The following C4orf17 variants were observed in gnomAD, a reference collection of about 807,000 sequenced individuals.
C4orf17 encodes chromosome 4 open reading frame 17, also known as uncharacterized protein C4orf17.
C4orf17 carries 25 observed loss-of-function variants against 32.0 expected under a neutral mutation model. The observed-to-expected ratio is 0.78, with a 90% CI of 0.57 to 1.09. C4orf17 has a LOEUF of 1.09. Among genes scored for constraint, C4orf17 ranks in the 50% least tolerant of loss-of-function variants. C4orf17 has a pLI of 0.00. For missense variants in C4orf17, 420 were observed against 420.0 expected, an observed-to-expected ratio of 1.00 and a Z score of 0.00; for synonymous variants, 149 against 145.8, an observed-to-expected ratio of 1.02 and a Z score of -0.16.
At chr4:99,535,490 C>T (rs1723546754) in intron 5 of C4orf17, among the ~76,000 whole-genome samples, 1 of 152,036 alleles carries the variant, frequency 6.6e-6, no homozygotes, top group African/African-American at 2.4e-5. Flanking sequence ...GAAAGATATG[C>T]TTCAAGCTCT....
chr4:99,523,540 G>T (rs951705013), intron 3 of C4orf17, among the ~76,000 whole-genome samples: 1 of 152,124 alleles, frequency 6.6e-6, no homozygotes, highest in African/African-American at 2.4e-5. Context: ...TAGCAATGAA[G>T]AGTCAAAGCC....
rs1723448432 is a variant in C4orf17, at chr4:99,529,817, A to T, written c.405A>T (p.Glu135Asp). 1 of 1,603,510 alleles carries T rather than the reference A, an allele frequency of 6.2e-7. No homozygotes were observed. The highest frequency in any genetic ancestry group is 8.5e-7 in the Non-Finnish European group (1 of 1,176,358). ...GTTATATTATACTTTTGATTTAGGAAGAAATTAAGGCCAAAAGACCACCAT... is the reference window on the plus strand; with the variant it reads ...GTTATATTATACTTTTGATTTAGGATGAAATTAAGGCCAAAAGACCACCAT... ...SSENPLVIKK[E>D]EIKAKRPPSP... The change falls in exon 5 of 9, where the codon GAA (glutamate) becomes GAT (aspartate). Residue 135 changes from glutamate to aspartate, a missense_variant and splice_region_variant. Glu to Asp is a conservative substitution (Grantham distance 45). Transcript: ENST00000326581.
intron 4 of C4orf17, among the ~76,000 whole-genome samples, chr4:99,529,271 A>T (rs1357136017): frequency 2.6e-5 from 4 of 152,202 alleles, no homozygotes; most frequent in Non-Finnish European, 2.9e-5. Context: ...TTTAATTTTT[A>T]AAAATTGCAA....
At chr4:99,521,639 G>A (rs1461762793) in intron 2 of C4orf17, among the ~76,000 whole-genome samples, 1 of 152,142 alleles carries the variant, frequency 6.6e-6, no homozygotes, top group African/African-American at 2.4e-5. Context: ...GTGAACCAGT[G>A]GTACTGGAGA....
chr4:99,535,845 T>G (rs111307169), intron 5 of C4orf17: 37 of 399,638 alleles, frequency 9.3e-5, no homozygotes, highest in Non-Finnish European at 1.5e-4. Context: ...CATTTTTGCA[T>G]TGATTCTTTT....
At chr4:99,529,575 T>C (rs957285273) in intron 4 of C4orf17, among the ~76,000 whole-genome samples, 7 of 152,210 alleles carry the variant, frequency 4.6e-5, no homozygotes, top group Non-Finnish European at 8.8e-5. Flanking sequence ...ATATTACAAA[T>C]TTGTTATCTT....
At chr4:99,517,391 G>A (rs1049447645) in intron 2 of C4orf17, among the ~76,000 whole-genome samples, 1 of 152,050 alleles carries the variant, frequency 6.6e-6, no homozygotes, top group African/African-American at 2.4e-5. Flanking sequence ...GGTAGATAAG[G>A]GGAGGATAAT....
In C4orf17 at chr4:99,511,215, G is replaced by A. The variant is rs1723088458; in HGVS notation, c.-151G>A. ...CTAGACATATTATGAGGCTGGGAGG[G>A]TATCAACAGACTTGAGTTCTTGTCA... On this transcript the variant is annotated 5_prime_UTR_variant, in exon 1 of 9. Transcript: ENST00000326581. 6.6e-6 allele frequency: 1 copy of A among 152,090 alleles called. No homozygotes were observed. Among genetic ancestry groups the A allele is most frequent in the East Asian group, 1.9e-4 (1 of 5,198 alleles). The allele number at this position is 152,090 out of a possible 1,614,324, so 9.4% of individuals were successfully genotyped here.
At chr4:99,536,143 T>C in intron 5 of C4orf17, 1 of 330,088 alleles carries the variant, frequency 3.0e-6, no homozygotes, top group Non-Finnish European at 5.9e-6. Flanking sequence ...CTGGCTCGAA[T>C]GCTCCTATAG....
At chr4:99,524,495 T>C (rs1723353538) in intron 3 of C4orf17, 26 bp from the exon 4 acceptor site, 1 of 1,419,248 alleles carries the variant, frequency 7.0e-7, no homozygotes, top group Non-Finnish European at 9.9e-7. Context: ...TTAATCTAAA[T>C]ACATTTTTCC....
chr4:99,523,120 G>GT (rs1723325942), intron 3 of C4orf17, among the ~76,000 whole-genome samples: 1 of 152,088 alleles, frequency 6.6e-6, no homozygotes, highest in African/African-American at 2.4e-5. Flanking sequence ...GTCAGGCCCT[G>GT]TGTTACTGCT....
At chr4:99,536,633 G>A (rs762883712) in intron 5 of C4orf17, among the ~76,000 whole-genome samples, 6 of 152,160 alleles carry the variant, frequency 3.9e-5, no homozygotes, top group Non-Finnish European at 8.8e-5. Flanking sequence ...CCTTCCCCTG[G>A]GAACTTGGTC....
At chr4:99,536,557 C>T (rs1723565846) in intron 5 of C4orf17, among the ~76,000 whole-genome samples, 1 of 152,196 alleles carries the variant, frequency 6.6e-6, no homozygotes, top group Non-Finnish European at 1.5e-5. Flanking sequence ...TCCAGATGGC[C>T]TGCACTCCCT....
chr4:99,524,413 C>T (rs1723351650), intron 3 of C4orf17, 108 bp from the exon 4 acceptor site: 3 of 584,404 alleles, frequency 5.1e-6, no homozygotes, highest in East Asian at 3.1e-5. Flanking sequence ...CTGAATTGAC[C>T]TTAAAGTCAG....
At chr4:99,535,959 A>G (rs1263735477) in intron 5 of C4orf17, 1 of 409,900 alleles carries the variant, frequency 2.4e-6, no homozygotes, top group African/African-American at 2.9e-5. Context: ...TTTTTCTTCT[A>G]ACAGGCCACT....
At chr4:99,516,716 G>T (rs1293365867) in intron 2 of C4orf17, among the ~76,000 whole-genome samples, 1 of 152,182 alleles carries the variant, frequency 6.6e-6, no homozygotes, top group Non-Finnish European at 1.5e-5. Flanking sequence ...GGAGGGAAGG[G>T]ATAATGGGAA....
rs77449179 is a variant in C4orf17, at chr4:99,527,383, A to G, written c.403-2432A>G. On this transcript the variant is annotated intron_variant, in intron 4 of 8. Coordinates refer to ENST00000326581, the MANE Select transcript of C4orf17 (RefSeq NM_032149.3). ...AATATTCACTCTGCTGTTGTTTGGT[A>G]GAACGCAATATAAATATCAATTAGG... 6.7e-3 allele frequency among the ~76,000 whole-genome samples: 1,023 copies of G among 152,350 alleles called. 7 individuals are homozygous for G. Among genetic ancestry groups the G allele is most frequent in the Middle Eastern group, 0.01 (3 of 294 alleles).
chr4:99,532,728 T>C (rs529672155), intron 5 of C4orf17, among the ~76,000 whole-genome samples: 1 of 152,296 alleles, frequency 6.6e-6, no homozygotes, highest in African/African-American at 2.4e-5. Flanking sequence ...AACACATCCA[T>C]TTATTCTGTA....
intron 5 of C4orf17, among the ~76,000 whole-genome samples, chr4:99,533,545 G>A (rs1390283239): frequency 6.6e-6 from 1 of 152,140 alleles, no homozygotes; most frequent in Non-Finnish European, 1.5e-5. Flanking sequence ...AGCTTCACTA[G>A]GTACAGAAAA....
Sources: allele counts gnomAD v4.1 joint callset (sites outside exome capture counted in the v4.1 genomes callset), GRCh38; gene constraint gnomAD v4.1.1; transcripts MANE v1.5; gene names NCBI Gene and HGNC (gene_info 2026-07-23, HGNC 2026-07-21).